Variants in AUTS2 observed in about 807,000 individuals in gnomAD.
The protein encoded by AUTS2 is autism susceptibility gene 2 protein.
AUTS2 carries 17 observed loss-of-function variants against 112.4 expected under a neutral mutation model. The observed-to-expected ratio is 0.15, with a 90% CI of 0.10 to 0.23. AUTS2 has a LOEUF of 0.23. Among genes scored for constraint, AUTS2 ranks in the 10% least tolerant of loss-of-function variants. The probability of loss-of-function intolerance (pLI) is 1.00; values close to 1 mark genes in which losing one functional copy is unlikely to be tolerated. For synonymous variants in AUTS2, 751 were observed against 702.7 expected, an observed-to-expected ratio of 1.07 and a Z score of -1.09; for missense variants, 1,510 against 1,701.6, an observed-to-expected ratio of 0.89 and a Z score of 1.98.
chr7:70,355,967 T>C (rs924397163), intron 4 of AUTS2, among the ~76,000 whole-genome samples: 18 of 152,206 alleles, frequency 1.2e-4, no homozygotes, highest in African/African-American at 3.9e-4. Flanking sequence ...AAGACCTTAA[T>C]TGGTCTTAGT....
intron 4 of AUTS2, among the ~76,000 whole-genome samples, chr7:70,347,794 A>T (rs1791561849): frequency 6.6e-6 from 1 of 152,136 alleles, no homozygotes; most frequent in South Asian, 2.1e-4. Context: ...CAGGGAGGGG[A>T]TGCAGGGACA....
Position 70,774,034 on chromosome 7 carries a change from A to G in AUTS2, c.1837A>G (p.Asn613Asp). Residue 613 changes from asparagine to aspartate, a missense_variant, in exon 12 of 19, where the codon AAC becomes GAC. Around this residue, in one of 3 missense-constraint regions of AUTS2, gnomAD observed 187 missense variants for 309.7 expected, o/e 0.60. Coordinates refer to ENST00000342771, the MANE Select transcript of AUTS2 (RefSeq NM_015570.4). ...TGGTCTAATTAATTTGTAGACATCC[A>G]ACCCTATCGATGTCGCTGCTCGGCC... Reference protein sequence around the residue: ...LQGAFQPKTSNPIDVAARPGT... With the variant: ...LQGAFQPKTSDPIDVAARPGT... 6.2e-7 allele frequency: 1 copy of G among 1,614,198 alleles called. No individual in the cohort carries two copies. The highest frequency in any genetic ancestry group is 8.5e-7 in the Non-Finnish European group (1 of 1,180,028).
chr7:69,685,085 G>A (rs1163013846), intron 1 of AUTS2, among the ~76,000 whole-genome samples: 2 of 152,196 alleles, frequency 1.3e-5, no homozygotes, highest in African/African-American at 4.8e-5. Context: ...ATACTCAGTA[G>A]CCTGGCTTTT....
At chr7:70,113,431 G>A (rs1584741587) in intron 2 of AUTS2, among the ~76,000 whole-genome samples, 1 of 152,074 alleles carries the variant, frequency 6.6e-6, no homozygotes, top group East Asian at 1.9e-4. Context: ...AATAAAAATA[G>A]TATTTTTCAA....
intron 1 of AUTS2, among the ~76,000 whole-genome samples, chr7:69,818,638 T>C (rs1790860212): frequency 1.3e-5 from 2 of 152,246 alleles, no homozygotes; most frequent in East Asian, 3.8e-4. Flanking sequence ...TTCAGAACTC[T>C]CCGAAGCATT....
At position 70,338,955 on chromosome 7, in the gene AUTS2, C is replaced by T. The variant is rs574614384; in HGVS notation, c.661-96797C>T. ...TCGGCTCACTGCAAGCTCCGCCTCC[C>T]GGGTTCACGCCATTCTCCTGCCTCA... On this transcript the variant is annotated intron_variant, in intron 4 of 18. Coordinates refer to ENST00000342771, the MANE Select transcript of AUTS2 (RefSeq NM_015570.4). 4.0e-5 allele frequency among the ~76,000 whole-genome samples: 6 copies of T among 151,742 alleles called. No homozygotes were observed. In the South Asian group the frequency reaches 6.3e-4, roughly 16 times the overall value.
At chr7:70,245,155 TATATATATATATATAA>T (rs1300622756) in intron 4 of AUTS2, among the ~76,000 whole-genome samples, 1 of 135,852 alleles carries the variant, frequency 7.4e-6, no homozygotes, top group African/African-American at 2.8e-5. Context: ...TATATATATA[TATATATATATATATAA>T]AAAATAAAAA....
intron 1 of AUTS2, among the ~76,000 whole-genome samples, chr7:69,737,645 A>G (rs989480045): frequency 6.6e-6 from 1 of 152,178 alleles, no homozygotes; most frequent in African/African-American, 2.4e-5. Context: ...TGTTCATGGC[A>G]GTCATAGCCA....
chr7:70,212,987 A>G (rs1054734809), intron 4 of AUTS2, among the ~76,000 whole-genome samples: 1 of 152,156 alleles, frequency 6.6e-6, no homozygotes, highest in African/African-American at 2.4e-5. Context: ...TATACTTAAC[A>G]ATAGTATGTT....
chr7:70,397,278 T>A (rs897551810), intron 4 of AUTS2, among the ~76,000 whole-genome samples: 1 of 152,164 alleles, frequency 6.6e-6, no homozygotes, highest in Admixed American at 6.5e-5. Context: ...TTAGCCAGAC[T>A]GGTCTCGAAC....
chr7:70,193,179 C>A (rs1015408284), intron 4 of AUTS2, among the ~76,000 whole-genome samples: 1 of 152,196 alleles, frequency 6.6e-6, no homozygotes, highest in Non-Finnish European at 1.5e-5. Context: ...TCCTTGAACT[C>A]TGATGGCAAC....
At chr7:70,429,633 G>C (rs1795570737) in intron 4 of AUTS2, among the ~76,000 whole-genome samples, 1 of 152,226 alleles carries the variant, frequency 6.6e-6, no homozygotes, top group African/African-American at 2.4e-5. Context: ...CCAACCTGCT[G>C]TGAGATTAGT....
chr7:70,409,920 T>C, intron 4 of AUTS2, among the ~76,000 whole-genome samples: 1 of 152,144 alleles, frequency 6.6e-6, no homozygotes, highest in East Asian at 1.9e-4. Context: ...TGCAGGCAAC[T>C]CAGGGACCTG....
chr7:70,147,251 C>T (rs1487926451), intron 4 of AUTS2, among the ~76,000 whole-genome samples: 1 of 151,786 alleles, frequency 6.6e-6, no homozygotes, highest in Non-Finnish European at 1.5e-5. Context: ...TCATGACTCT[C>T]ATACATTATA....
At chr7:70,622,666 T>A (rs1163937697) in intron 5 of AUTS2, among the ~76,000 whole-genome samples, 1 of 152,202 alleles carries the variant, frequency 6.6e-6, no homozygotes, top group East Asian at 1.9e-4. Context: ...GAAATCAGCT[T>A]TAATGAATTA....
At chr7:69,747,650 C>T (rs979604510) in intron 1 of AUTS2, among the ~76,000 whole-genome samples, 1 of 152,140 alleles carries the variant, frequency 6.6e-6, no homozygotes, top group Non-Finnish European at 1.5e-5. Context: ...TTTCTGGCTT[C>T]AAAGCCTGAG....
At chr7:70,606,470 G>C (rs914267168) in intron 5 of AUTS2, among the ~76,000 whole-genome samples, 1 of 152,140 alleles carries the variant, frequency 6.6e-6, no homozygotes, top group Non-Finnish European at 1.5e-5. Context: ...GTTAGCAGCC[G>C]GGGATACAGT....
intron 4 of AUTS2, among the ~76,000 whole-genome samples, chr7:70,315,195 C>T (rs1789938173): frequency 6.6e-6 from 1 of 152,212 alleles, no homozygotes; most frequent in Admixed American, 6.5e-5. Flanking sequence ...CCATGGACTG[C>T]CTGACTTTGC....
At chr7:70,583,822 T>C (rs1354025674) in intron 5 of AUTS2, among the ~76,000 whole-genome samples, 1 of 152,230 alleles carries the variant, frequency 6.6e-6, no homozygotes, top group Non-Finnish European at 1.5e-5. Flanking sequence ...ATTCTTCTTT[T>C]AAAAATGGCC....
Sources: allele counts gnomAD v4.1 joint callset (sites outside exome capture counted in the v4.1 genomes callset), GRCh38; gene constraint gnomAD v4.1.1; regional missense constraint gnomAD v4.1.1; transcripts MANE v1.5; gene names NCBI Gene and HGNC (gene_info 2026-07-23, HGNC 2026-07-21).